RPS6KA2: variants seen among roughly 807,000 people sequenced by gnomAD.
The protein encoded by RPS6KA2 is ribosomal protein S6 kinase alpha-2.
In RPS6KA2, 42 loss-of-function variants were observed where a neutral mutation model predicts 91.8. The observed-to-expected ratio is 0.46, with a 90% CI of 0.36 to 0.59. The LOEUF (loss-of-function observed/expected upper bound fraction) is 0.59, where lower values mean the gene tolerates loss of function less well. Among genes scored for constraint, RPS6KA2 ranks in the 20% least tolerant of loss-of-function variants. The probability of loss-of-function intolerance (pLI) is 0.00; values close to 1 mark genes in which losing one functional copy is unlikely to be tolerated. For synonymous variants in RPS6KA2, 414 were observed against 393.6 expected (o/e 1.05, Z -0.61); for missense variants, 798 against 978.5 (o/e 0.82, Z 2.46).
At chr6:166,492,890 A>AT (rs71032807) in intron 8 of RPS6KA2, among the ~76,000 whole-genome samples, 3,945 of 103,526 alleles carry the variant, frequency 0.038, 113 homozygotes, top group African/African-American at 0.087. Context: ...TAATTTTTGT[A>AT]TTTTTTTTTT....
At chr6:166,420,247 A>G (rs1778675622) in intron 17 of RPS6KA2, among the ~76,000 whole-genome samples, 1 of 152,232 alleles carries the variant, frequency 6.6e-6, no homozygotes, top group Non-Finnish European at 1.5e-5. Flanking sequence ...CTGTTACGGT[A>G]AAATATGTAT....
intron 8 of RPS6KA2, among the ~76,000 whole-genome samples, chr6:166,496,876 G>A (rs1201212356): frequency 2.6e-5 from 4 of 152,206 alleles, no homozygotes; most frequent in Non-Finnish European, 5.9e-5. Flanking sequence ...TGGACCCATA[G>A]CCCAGCGTCA....
At chr6:166,498,408 T>C (rs1781873336) in intron 8 of RPS6KA2, 100 bp downstream of exon 8, 3 of 1,361,514 alleles carry the variant, frequency 2.2e-6, no homozygotes, top group Non-Finnish European at 2.9e-6. Context: ...CCTCAGGCAC[T>C]GCCTTCTTCC....
chr6:166,430,952 T>C (rs1192751356), intron 15 of RPS6KA2, among the ~76,000 whole-genome samples: 1 of 151,744 alleles, frequency 6.6e-6, no homozygotes, highest in Non-Finnish European at 1.5e-5. Flanking sequence ...TGAGATGGAG[T>C]CTCGCTCTGT....
intron 2 of RPS6KA2, among the ~76,000 whole-genome samples, chr6:166,713,252 C>A (rs541886174): frequency 4.6e-5 from 7 of 152,336 alleles, no homozygotes; most frequent in South Asian, 2.1e-4. Flanking sequence ...CTCCGGGTAT[C>A]AGAAGACTGG....
chr6:166,487,930 A>G (rs1375845901), intron 10 of RPS6KA2, among the ~76,000 whole-genome samples: 1 of 152,196 alleles, frequency 6.6e-6, no homozygotes, highest in Non-Finnish European at 1.5e-5. Context: ...AGTTCCCTGC[A>G]ATGGAAGCTG....
intron 2 of RPS6KA2, among the ~76,000 whole-genome samples, chr6:166,743,537 G>A (rs138044259): frequency 6.6e-6 from 1 of 152,190 alleles, no homozygotes; most frequent in African/African-American, 2.4e-5. Flanking sequence ...CTGGTCCTTG[G>A]TTGCTATAAC....
intron 2 of RPS6KA2, among the ~76,000 whole-genome samples, chr6:166,647,408 G>A (rs1444298344): frequency 6.6e-6 from 1 of 152,204 alleles, no homozygotes; most frequent in Non-Finnish European, 1.5e-5. Flanking sequence ...TGGTGGGGAT[G>A]TGGGCCTCCA....
At chr6:166,452,297 G>A (rs981437219) in intron 12 of RPS6KA2, among the ~76,000 whole-genome samples, 1 of 151,974 alleles carries the variant, frequency 6.6e-6, no homozygotes, top group African/African-American at 2.4e-5. Context: ...ACTTTCAAAA[G>A]TGCACAGTAA....
upstream of RPS6KA2, among the ~76,000 whole-genome samples, chr6:166,628,639 G>C (rs1032525132): frequency 6.6e-6 from 1 of 152,220 alleles, no homozygotes; most frequent in African/African-American, 2.4e-5. Context: ...GTGCTGCTCC[G>C]GAGTGGAAGC....
At chr6:166,446,376 A>G (rs931649274) in intron 14 of RPS6KA2, among the ~76,000 whole-genome samples, 27 of 152,170 alleles carry the variant, frequency 1.8e-4, no homozygotes, top group Admixed American at 5.2e-4. Context: ...CAGACTACAC[A>G]TTATTACCCA....
intron 10 of RPS6KA2, among the ~76,000 whole-genome samples, chr6:166,479,116 T>C (rs564955843): frequency 2.0e-5 from 3 of 152,314 alleles, no homozygotes; most frequent in African/African-American, 4.8e-5. Flanking sequence ...CTGAGATCCA[T>C]TTTGTGCCTC....
chr6:166,815,082 T>C (rs1779730218), intron 2 of RPS6KA2, among the ~76,000 whole-genome samples: 1 of 152,128 alleles, frequency 6.6e-6, no homozygotes, highest in Admixed American at 6.5e-5. Context: ...TGAAAAATGG[T>C]ATTCTGTGGT....
At chr6:166,548,439 A>C (rs1783896783) in intron 1 of RPS6KA2, among the ~76,000 whole-genome samples, 1 of 152,248 alleles carries the variant, frequency 6.6e-6, no homozygotes, top group African/African-American at 2.4e-5. Flanking sequence ...ACAGATGGTA[A>C]GGTTTGCTAC....
chr6:166,784,609 TG>T (rs1228068440), intron 2 of RPS6KA2, among the ~76,000 whole-genome samples: 5 of 50,752 alleles, frequency 9.9e-5, no homozygotes, highest in African/African-American at 4.4e-4. Flanking sequence ...TGCACACCTA[TG>T]CAGAACCACA....
rs113418892 is a variant in RPS6KA2, at chr6:166,812,597, C to T, written c.123+45603G>A. On this transcript the variant is annotated intron_variant, in intron 2 of 21. Transcript: ENST00000503859. ...CTCCACATGGGGTCTGTGTTGGGCG[C>T]GTGGCCTCCCATACCCGTGGCCACG... Among the ~76,000 whole-genome samples, 990 of 152,242 alleles carry T rather than the reference C, an allele frequency of 6.5e-3. 10 individuals are homozygous for T. The highest frequency in any genetic ancestry group is 9.0e-3 in the Non-Finnish European group (609 of 68,018).
chr6:166,498,252 A>G, intron 8 of RPS6KA2, among the ~76,000 whole-genome samples: 1 of 152,240 alleles, frequency 6.6e-6, no homozygotes, highest in Middle Eastern at 3.2e-3. Flanking sequence ...AAGAGCACAA[A>G]GCATAAAGAG....
At chr6:166,680,596 G>C (rs932090962) in intron 2 of RPS6KA2, among the ~76,000 whole-genome samples, 4 of 152,098 alleles carry the variant, frequency 2.6e-5, no homozygotes, top group African/African-American at 7.2e-5. Flanking sequence ...GCACGAGCCC[G>C]CCAGGAGGGA....
intron 10 of RPS6KA2, among the ~76,000 whole-genome samples, chr6:166,473,870 C>T (rs1033000164): frequency 6.6e-6 from 1 of 150,652 alleles, no homozygotes; most frequent in East Asian, 2.0e-4. Context: ...CCATCATTGA[C>T]TTAAATACTA....
Sources: allele counts gnomAD v4.1 joint callset (sites outside exome capture counted in the v4.1 genomes callset), GRCh38; gene constraint gnomAD v4.1.1; transcripts MANE v1.5; gene names NCBI Gene and HGNC (gene_info 2026-07-23, HGNC 2026-07-21).